Variants in LANCL1 observed in about 807,000 individuals in gnomAD.
LANCL1 encodes the protein LanC like glutathione S-transferase 1.
In LANCL1, 50 loss-of-function variants were observed where a neutral mutation model predicts 50.6. The observed-to-expected ratio is 0.99, with a 90% CI of 0.79 to 1.25. LANCL1 has a LOEUF of 1.25. LANCL1 is among the 50% of genes most tolerant of loss of function. LANCL1 has a pLI of 0.00. For synonymous variants in LANCL1, 188 were observed against 178.6 expected, an observed-to-expected ratio of 1.05 and a Z score of -0.42; for missense variants, 532 against 480.7, an observed-to-expected ratio of 1.11 and a Z score of -1.00.
At chr2:210,470,838 T>C (rs1694202453) in intron 3 of LANCL1, among the ~76,000 whole-genome samples, 1 of 152,160 alleles carries the variant, frequency 6.6e-6, no homozygotes, top group African/African-American at 2.4e-5. Flanking sequence ...CAATCTCTGC[T>C]ATGAGGCCAT....
intron 3 of LANCL1, among the ~76,000 whole-genome samples, chr2:210,466,709 A>C (rs1486080311): frequency 6.6e-6 from 1 of 152,172 alleles, no homozygotes; most frequent in African/African-American, 2.4e-5. Flanking sequence ...CAGCTACTTC[A>C]GCATTTGGGG....
At chr2:210,449,353 C>G (rs1369822510) in intron 4 of LANCL1, among the ~76,000 whole-genome samples, 1 of 152,132 alleles carries the variant, frequency 6.6e-6, no homozygotes, top group Non-Finnish European at 1.5e-5. Context: ...GAATGTATCT[C>G]AAAATAGTAA....
At chr2:210,441,187 G>C in intron 5 of LANCL1, 121 bp downstream of exon 5, 1 of 990,996 alleles carries the variant, frequency 1.0e-6, no homozygotes, top group South Asian at 1.8e-5. Context: ...AACCTTTAGA[G>C]GTCCAGATAC....
At chr2:210,449,383 C>T (rs1012314363) in intron 4 of LANCL1, among the ~76,000 whole-genome samples, 6 of 152,140 alleles carry the variant, frequency 3.9e-5, no homozygotes, top group Non-Finnish European at 7.3e-5. Flanking sequence ...ATGACAAGCC[C>T]ACAGCCAATA....
intron 3 of LANCL1, among the ~76,000 whole-genome samples, chr2:210,467,003 A>C (rs1250411923): frequency 6.6e-6 from 1 of 152,178 alleles, no homozygotes; most frequent in Non-Finnish European, 1.5e-5. Context: ...GGAGAAATTC[A>C]AGAGCTAATA....
intron 4 of LANCL1, among the ~76,000 whole-genome samples, chr2:210,453,094 T>C (rs909568787): frequency 2.0e-5 from 3 of 152,118 alleles, no homozygotes; most frequent in Non-Finnish European, 4.4e-5. Context: ...CTGAAAAAAA[T>C]CAAAGCTATA....
chr2:210,471,884 G>T, intron 3 of LANCL1, 75 bp downstream of exon 3: 1 of 1,032,274 alleles, frequency 9.7e-7, no homozygotes, highest in Non-Finnish European at 1.5e-6. Flanking sequence ...GTACCATTCA[G>T]ACAGACAGCT....
At chr2:210,459,789 A>G (rs899809683) in intron 3 of LANCL1, among the ~76,000 whole-genome samples, 3 of 151,414 alleles carry the variant, frequency 2.0e-5, no homozygotes, top group Admixed American at 6.6e-5. Flanking sequence ...GTGAGGACCA[A>G]ATAAAATTCC....
chr2:210,450,515 G>C (rs564305754), intron 4 of LANCL1, among the ~76,000 whole-genome samples: 2 of 152,274 alleles, frequency 1.3e-5, no homozygotes, highest in East Asian at 3.9e-4. Flanking sequence ...AAACTAAAGA[G>C]CTTCTGAATA....
At chr2:210,465,546 TG>T (rs1464588198) in intron 3 of LANCL1, among the ~76,000 whole-genome samples, 1 of 152,222 alleles carries the variant, frequency 6.6e-6, no homozygotes, top group Non-Finnish European at 1.5e-5. Flanking sequence ...ACAAAAACCT[TG>T]CATTTTTAGT....
intron 4 of LANCL1, among the ~76,000 whole-genome samples, chr2:210,452,913 G>C (rs956693247): frequency 1.3e-5 from 2 of 151,904 alleles, no homozygotes. Context: ...TGAGAAAAAA[G>C]GTTTAGTAAA....
In LANCL1 at chr2:210,441,323, T is replaced by C. The variant is rs778545399; in HGVS notation, c.528A>G (p.Gln176=). 5 of 1,612,848 alleles carry C rather than the reference T, an allele frequency of 3.1e-6. No individual in the cohort carries two copies. The Admixed American group carries it at 8.3e-5, about 27-fold the overall frequency. The change falls in exon 5 of 10, where the codon CAA becomes CAG. Residue 176 remains glutamine (Q), a synonymous_variant. Transcript: ENST00000450366. ...AACGTGGTACCTGCTGAATATGGCT[T>C]TGAGGAATCTTTTCCACTCCAAAGT... ...NKNFGVEKIP[Q]SHIQQICETI... is the part of the protein sequence containing the mutation.
chr2:210,441,220 C>G (rs778430580), intron 5 of LANCL1, 88 bp downstream of exon 5: 52 of 1,321,674 alleles, frequency 3.9e-5, no homozygotes, highest in Non-Finnish European at 5.4e-5. Flanking sequence ...ATGGAATGTG[C>G]TAACTACAGA....
chr2:210,436,832 C>T (rs1330134541), intron 7 of LANCL1, among the ~76,000 whole-genome samples: 1 of 152,188 alleles, frequency 6.6e-6, no homozygotes, highest in Non-Finnish European at 1.5e-5. Context: ...TAGACCTTTA[C>T]AATCTTTTAC....
chr2:210,466,771 T>C (rs1694075902), intron 3 of LANCL1, among the ~76,000 whole-genome samples: 1 of 152,140 alleles, frequency 6.6e-6, no homozygotes, highest in Non-Finnish European at 1.5e-5. Flanking sequence ...AGAGAGAACA[T>C]CATGAAAGTC....
intron 4 of LANCL1, among the ~76,000 whole-genome samples, chr2:210,454,281 A>C (rs1293343378): frequency 6.6e-6 from 1 of 151,790 alleles, no homozygotes; most frequent in Non-Finnish European, 1.5e-5. Context: ...ATAGGGGTAT[A>C]AATCATTCCT....
intron 3 of LANCL1, chr2:210,460,450 AATT>A (rs755753049): frequency 5.9e-5 from 9 of 152,336 alleles, no homozygotes; most frequent in Non-Finnish European, 1.2e-4. Flanking sequence ...ATGGCTCATC[AATT>A]ATTATGTTTT....
intron 3 of LANCL1, among the ~76,000 whole-genome samples, chr2:210,458,113 A>G (rs1210945886): frequency 6.6e-6 from 1 of 152,188 alleles, no homozygotes; most frequent in African/African-American, 2.4e-5. Context: ...TCTAAGGACC[A>G]TGAGTTGGAA....
intron 3 of LANCL1, chr2:210,471,718 C>A: frequency 1.4e-6 from 1 of 713,522 alleles, no homozygotes; most frequent in Non-Finnish European, 2.6e-6. Flanking sequence ...TAGCAGCCAT[C>A]CAAATGTCAG....
Sources: allele counts gnomAD v4.1 joint callset (sites outside exome capture counted in the v4.1 genomes callset), GRCh38; gene constraint gnomAD v4.1.1; transcripts MANE v1.5; gene names NCBI Gene and HGNC (gene_info 2026-07-23, HGNC 2026-07-21).